FGD6: variants seen among roughly 807,000 people sequenced by gnomAD.
The protein encoded by FGD6 is FYVE, RhoGEF and PH domain-containing protein 6.
FGD6 carries 90 observed loss-of-function variants against 149.4 expected under a neutral mutation model. The ratio of observed to expected loss-of-function variants is 0.60; its 90% confidence interval spans 0.51 to 0.72. FGD6 has a LOEUF of 0.72. FGD6 is among the 30% of genes least tolerant of loss of function. The probability of loss-of-function intolerance (pLI) is 0.00; values close to 1 mark genes in which losing one functional copy is unlikely to be tolerated. For missense variants in FGD6, 1,437 were observed against 1,684.8 expected, an observed-to-expected ratio of 0.85 and a Z score of 2.57; for synonymous variants, 527 against 584.0, an observed-to-expected ratio of 0.90 and a Z score of 1.41.
chr12:95,210,386 G>C lies in FGD6; in HGVS notation c.898C>G (p.Pro300Ala). Residue 300 changes from proline (P) to alanine (A), a missense_variant, in exon 2 of 21, where the codon CCC becomes GCC. By Grantham distance (27) the Pro-to-Ala change is conservative. Around this residue, in one of 2 missense-constraint regions of FGD6, gnomAD observed 1,055 missense variants for 1,146.0 expected, o/e 0.92. Transcript: ENST00000343958. ...TATGGTACTAAATGAATTTCTAAGGGACCAAGGTCTTTGACTTCTGATTTC... is the reference window on the plus strand; with the variant it reads ...TATGGTACTAAATGAATTTCTAAGGCACCAAGGTCTTTGACTTCTGATTTC... ...SKKSEVKDLG[P>A]LEIHLVPYTP... The C allele has an allele frequency of 6.2e-7, 1 of 1,613,652 alleles. No homozygotes were observed. Among genetic ancestry groups the C allele is most frequent in the Non-Finnish European group, 8.5e-7 (1 of 1,179,936 alleles).
At chr12:95,180,148 T>C (rs918583113) in intron 2 of FGD6, among the ~76,000 whole-genome samples, 2 of 151,410 alleles carry the variant, frequency 1.3e-5, no homozygotes, top group African/African-American at 4.9e-5. Context: ...TATTGTTAGG[T>C]TAAAAAGAAA....
intron 14 of FGD6, among the ~76,000 whole-genome samples, chr12:95,103,371 C>A (rs981122863): frequency 1.3e-5 from 2 of 152,150 alleles, no homozygotes; most frequent in Non-Finnish European, 2.9e-5. Context: ...TCCCAAATAC[C>A]CACTTCCGCC....
At position 95,217,301 on chromosome 12, in the gene FGD6, C is replaced by T. The variant is rs529184977; in HGVS notation, c.-61G>A. ...CTCAATCCATCTTCCCCTTTCAGTC[C>T]ATTGTTCCCACAGTTCGGGTAGGAG... On this transcript the variant is annotated 5_prime_UTR_variant, in exon 1 of 21. It removes an upstream start codon present in the reference 5' UTR. Transcript: ENST00000343958. The T allele has an allele frequency of 3.6e-4, 565 of 1,566,654 alleles. 1 individual carries two copies. The highest frequency in any genetic ancestry group is 8.0e-4 in the Admixed American group (45 of 56,064).
chr12:95,139,341 G>A (rs1311447051), intron 6 of FGD6, among the ~76,000 whole-genome samples: 6 of 151,910 alleles, frequency 3.9e-5, no homozygotes, highest in Admixed American at 2.6e-4. Context: ...TTGGGTGGGT[G>A]AGGTGGAAGG....
At chr12:95,113,081 G>C (rs2136244228) in intron 9 of FGD6, among the ~76,000 whole-genome samples, 1 of 152,196 alleles carries the variant, frequency 6.6e-6, no homozygotes, top group East Asian at 1.9e-4. Context: ...CACCACGCTG[G>C]CTTCACAGTC....
intron 9 of FGD6, 120 bp from the exon 10 acceptor site, chr12:95,108,681 C>A (rs1878712683): frequency 8.9e-7 from 1 of 1,119,156 alleles, no homozygotes; most frequent in South Asian, 1.4e-5. Flanking sequence ...TCTGGAGGAG[C>A]TTATTGACTG....
chr12:95,156,450 T>TC (rs1880471719), intron 3 of FGD6, among the ~76,000 whole-genome samples: 1 of 152,070 alleles, frequency 6.6e-6, no homozygotes, highest in Non-Finnish European at 1.5e-5. Context: ...ACAAGGAAAT[T>TC]CCCGCCTAAA....
At position 95,094,614 on chromosome 12, in the gene FGD6, C is replaced by G; in HGVS notation, c.3578G>C (p.Cys1193Ser). ...TACCTCATCAAGACTCCTACTAGGA[C>G]AGAAGGTGATTCTTTTCTTGGCATA... Reference protein sequence around the residue: ...EEYAKKRITFCPSRSLDEADS... With the variant: ...EEYAKKRITFSPSRSLDEADS... Residue 1193 changes from cysteine to serine, a missense_variant, in exon 15 of 21, where the codon TGT becomes TCT. Cys to Ser is a moderately radical substitution (Grantham distance 112). This residue lies in a region of FGD6 where 382 missense variants were observed against 538.7 expected (regional missense o/e 0.71). Coordinates refer to ENST00000343958, the MANE Select transcript of FGD6 (RefSeq NM_018351.4). 6.2e-7 allele frequency: 1 copy of G among 1,612,054 alleles called. No homozygotes were observed. The highest frequency in any genetic ancestry group is 1.3e-5 in the African/African-American group (1 of 74,812).
At chr12:95,208,334 T>A (rs2056703499) in intron 2 of FGD6, among the ~76,000 whole-genome samples, 1 of 152,132 alleles carries the variant, frequency 6.6e-6, no homozygotes, top group African/African-American at 2.4e-5. Flanking sequence ...TTTTCCTATA[T>A]CCACTTGAGG....
In FGD6 at chr12:95,126,372, G is replaced by T. The variant is rs945512702; in HGVS notation, c.3082+8367C>A. ...AGCCCAGAAAGCCCCTGCTCCAAAG[G>T]CATCTGGCAAGAAAGCATATGAGGC... On this transcript the variant is annotated intron_variant, in intron 8 of 20. Coordinates refer to ENST00000343958, the MANE Select transcript of FGD6 (RefSeq NM_018351.4). 8 of 1,539,238 alleles carry T rather than the reference G, an allele frequency of 5.2e-6. No individual in the cohort carries two copies. The Admixed American group carries it at 6.8e-5, about 13-fold the overall frequency.
At chr12:95,204,800 T>C (rs1399623827) in intron 2 of FGD6, among the ~76,000 whole-genome samples, 1 of 152,134 alleles carries the variant, frequency 6.6e-6, no homozygotes, top group East Asian at 1.9e-4. Context: ...AGGGCAGTAA[T>C]GGTTAATATA....
intron 8 of FGD6, among the ~76,000 whole-genome samples, chr12:95,123,938 A>C (rs929574759): frequency 1.3e-5 from 2 of 149,360 alleles, no homozygotes; most frequent in Non-Finnish European, 3.0e-5. Flanking sequence ...TTTTGGAGAC[A>C]GGGTTTCCCT....
intron 6 of FGD6, among the ~76,000 whole-genome samples, chr12:95,140,264 T>C (rs1215128354): frequency 6.6e-6 from 1 of 152,232 alleles, no homozygotes; most frequent in Admixed American, 6.5e-5. Context: ...TGCATACTTA[T>C]TTTCTTCAGC....
At chr12:95,192,547 T>A (rs1330489152) in intron 2 of FGD6, among the ~76,000 whole-genome samples, 1 of 152,222 alleles carries the variant, frequency 6.6e-6, no homozygotes, top group African/African-American at 2.4e-5. Context: ...TTCTGGGCAC[T>A]GAGGACAAGG....
chr12:95,181,376 GA>G (rs1481268896), intron 2 of FGD6, among the ~76,000 whole-genome samples: 5 of 152,136 alleles, frequency 3.3e-5, no homozygotes, highest in Admixed American at 6.5e-5. Context: ...GACACAGGAG[GA>G]GCCCCATGGT....
In FGD6 at chr12:95,085,836, T is replaced by A; in HGVS notation, c.4051A>T (p.Lys1351Ter). The change falls in exon 19 of 21, where the codon AAA (lysine) becomes TAA (stop). Residue 1351 changes from lysine (K) to a stop codon, truncating the protein, a stop_gained. Coordinates refer to ENST00000343958, the MANE Select transcript of FGD6 (RefSeq NM_018351.4). LOFTEE classifies it high-confidence loss of function. ...YRSKGNKKPW[K>*]HFWFVIKNKV... ...TTTTTTATGACAAACCAAAAGTGTT[T>A]CCAGGGTTTTTTATTGCCCTTTGAT... The A allele has an allele frequency of 6.2e-7, 1 of 1,614,012 alleles. No homozygotes were observed. The highest frequency in any genetic ancestry group is 1.1e-5 in the South Asian group (1 of 91,062).
chr12:95,113,551 G>T, intron 9 of FGD6, 100 bp downstream of exon 9: 1 of 964,120 alleles, frequency 1.0e-6, no homozygotes, highest in Non-Finnish European at 1.6e-6. Context: ...GTCGTATGAA[G>T]AGAGTTTGTA....
At chr12:95,140,543 G>T (rs921031599) in intron 6 of FGD6, among the ~76,000 whole-genome samples, 1 of 152,104 alleles carries the variant, frequency 6.6e-6, no homozygotes, top group African/African-American at 2.4e-5. Context: ...CTTGAACCTG[G>T]GAGGCAGAGG....
At chr12:95,108,945 A>G (rs913356330) in intron 9 of FGD6, among the ~76,000 whole-genome samples, 3 of 152,252 alleles carry the variant, frequency 2.0e-5, no homozygotes, top group Admixed American at 1.3e-4. Flanking sequence ...CCAGCCCAGT[A>G]TAAACTGTCT....
Sources: gnomAD v4.1 joint callset for allele counts (sites outside exome capture counted in the v4.1 genomes callset) on GRCh38, gnomAD v4.1.1 for gene constraint, gnomAD v4.1.1 regional missense constraint, MANE v1.5 for transcripts, NCBI Gene and HGNC (gene_info 2026-07-23, HGNC 2026-07-21) for gene names.